Variants in PEAK1 observed in about 807,000 individuals in gnomAD.
PEAK1 encodes the protein inactive tyrosine-protein kinase PEAK1.
A neutral mutation model predicts 124.7 loss-of-function variants in PEAK1; 54 were observed. The observed-to-expected ratio is 0.43, with a 90% CI of 0.35 to 0.54. The LOEUF is 0.54. Ranked by LOEUF, PEAK1 falls within the 20% of genes least tolerant of loss-of-function variation. PEAK1 has a pLI of 0.01. For missense variants in PEAK1, 2,046 were observed against 2,134.5 expected, an observed-to-expected ratio of 0.96 and a Z score of 0.82; for synonymous variants, 719 against 760.0, an observed-to-expected ratio of 0.95 and a Z score of 0.89.
chr15:77,398,488 A>G (rs2071087534), intron 1 of PEAK1, among the ~76,000 whole-genome samples: 1 of 152,220 alleles, frequency 6.6e-6, no homozygotes. Flanking sequence ...GTGATACACC[A>G]TATTAACAGA....
chr15:77,255,302 G>A lies in PEAK1; in HGVS notation c.-274-2776C>T, dbSNP rs1042775593. 4 of 818,822 alleles carry A rather than the reference G, an allele frequency of 4.9e-6. No individual in the cohort carries two copies. The African/African-American group carries it at 7.4e-5, about 15-fold the overall frequency. The allele number at this position is 818,822 out of a possible 1,614,324, so 50.7% of individuals were successfully genotyped here. On this transcript the variant is annotated intron_variant, in intron 5 of 9. Transcript: ENST00000682557. ...AATGAAATAACAATTATTTAAAATT[G>A]TTAACTTATTTTACTAACAATGGAA...
intron 5 of PEAK1, among the ~76,000 whole-genome samples, chr15:77,257,792 A>T (rs1039100956): frequency 6.6e-6 from 1 of 150,766 alleles, no homozygotes; most frequent in East Asian, 1.9e-4. Flanking sequence ...TTAGACATGA[A>T]GTCCTTGCCT....
In PEAK1 at chr15:77,113,395, T is replaced by C. The variant is rs2051099968; in HGVS notation, c.*761A>G. 1 of 152,326 alleles carries C rather than the reference T, an allele frequency of 6.6e-6. No homozygotes were observed. The allele number at this position is 152,326 out of a possible 1,614,324, so 9.4% of individuals were successfully genotyped here. A position where few individuals can be genotyped will look rare whatever the true frequency, so the allele number is the denominator to read the frequency against. On this transcript the variant is annotated 3_prime_UTR_variant, in exon 10 of 10. Transcript: ENST00000682557. Reference sequence around the variant, plus strand: ...CTGCTGAGGCATTGGTGACACCACCTTGGGTCAGCTCTGTAATGGGCCACA... The same window carrying C: ...CTGCTGAGGCATTGGTGACACCACCCTGGGTCAGCTCTGTAATGGGCCACA...
At chr15:77,327,823 T>G (rs1433739991) in intron 2 of PEAK1, among the ~76,000 whole-genome samples, 1 of 151,748 alleles carries the variant, frequency 6.6e-6, no homozygotes, top group Non-Finnish European at 1.5e-5. Context: ...AAAGATAAAG[T>G]GATGAAAATT....
chr15:77,302,092 T>G (rs994344244), intron 2 of PEAK1, among the ~76,000 whole-genome samples: 3 of 152,126 alleles, frequency 2.0e-5, no homozygotes, highest in Non-Finnish European at 2.9e-5. Context: ...CTCCGGAGGC[T>G]CCATACATCT....
Position 77,182,056 on chromosome 15 carries a change from G to T in PEAK1, c.-114-16C>A. On this transcript the variant is annotated splice_polypyrimidine_tract_variant and intron_variant, in intron 6 of 9. Coordinates refer to ENST00000682557, the MANE Select transcript of PEAK1 (RefSeq NM_001385026.1). Reference sequence around the variant, plus strand: ...AATGATCAATCTGTGGAGGGGAAAAGAAGACAAAAAATCTGAATGAAAAAG... The same window carrying T: ...AATGATCAATCTGTGGAGGGGAAAATAAGACAAAAAATCTGAATGAAAAAG... The T allele has an allele frequency of 1.4e-6, 2 of 1,380,650 alleles. No homozygotes were observed. Among genetic ancestry groups the T allele is most frequent in the South Asian group, 4.1e-5 (2 of 48,756 alleles). 85.5% of individuals were successfully genotyped at this position (1,380,650 alleles called of 1,614,324 possible). A position where few individuals can be genotyped will look rare whatever the true frequency, so the allele number is the denominator to read the frequency against.
chr15:77,226,267 G>A (rs1345831589), intron 6 of PEAK1, among the ~76,000 whole-genome samples: 1 of 148,310 alleles, frequency 6.7e-6, no homozygotes, highest in African/African-American at 2.5e-5. Context: ...TTTGATCTGA[G>A]ATGTTTGAAA....
At chr15:77,403,636 A>G in intron 1 of PEAK1, 1 of 889,438 alleles carries the variant, frequency 1.1e-6, no homozygotes, top group Non-Finnish European at 1.3e-6. Context: ...TTCTGGGGAC[A>G]TGAAGATGAA....
At chr15:77,208,518 C>T (rs1456647599) in intron 6 of PEAK1, among the ~76,000 whole-genome samples, 1 of 152,146 alleles carries the variant, frequency 6.6e-6, no homozygotes, top group Non-Finnish European at 1.5e-5. Flanking sequence ...ATCAGTGAGG[C>T]CAGCAACTTC....
At chr15:77,177,079 C>T (rs777998837) in intron 7 of PEAK1, among the ~76,000 whole-genome samples, 18 of 152,228 alleles carry the variant, frequency 1.2e-4, no homozygotes, top group Non-Finnish European at 2.4e-4. Flanking sequence ...GCCTGAGCCT[C>T]CCAAGTAGCT....
intron 7 of PEAK1, among the ~76,000 whole-genome samples, chr15:77,177,299 T>C (rs897733223): frequency 4.6e-5 from 7 of 152,160 alleles, no homozygotes; most frequent in East Asian, 1.9e-4. Flanking sequence ...CATTCTGTCA[T>C]TGAATACCTT....
chr15:77,181,309 G>C lies in PEAK1; in HGVS notation c.618C>G (p.Gly206=), dbSNP rs1296427674. 1.2e-6 allele frequency: 2 copies of C among 1,613,914 alleles called. No individual in the cohort carries two copies. Among genetic ancestry groups the C allele is most frequent in the Non-Finnish European group, 1.7e-6 (2 of 1,180,014 alleles). Residue 206 remains glycine (G), a synonymous_variant, in exon 7 of 10, where the codon GGC becomes GGG. Coordinates refer to ENST00000682557, the MANE Select transcript of PEAK1 (RefSeq NM_001385026.1). ...TGCTCCCACTCAGAATAACATGCTT[G>C]CCCTGAGTTTCCTTTATCCCACCTA... ...CMIGGIKETQ[G]KHVILSGSTE...
chr15:77,204,031 A>G (rs2058505155), intron 6 of PEAK1, among the ~76,000 whole-genome samples: 1 of 152,252 alleles, frequency 6.6e-6, no homozygotes, highest in Non-Finnish European at 1.5e-5. Flanking sequence ...AGGGACTGTT[A>G]TTCAAAATAC....
At position 77,270,066 on chromosome 15, in the gene PEAK1, A is replaced by G. The variant is rs566502113; in HGVS notation, c.-275+13817T>C. Among the ~76,000 whole-genome samples the G allele has an allele frequency of 8.5e-5, 13 of 152,234 alleles. No individual in the cohort carries two copies. In the South Asian group the frequency reaches 2.7e-3, roughly 32 times the overall value. ...TGTTATAATTTCTGTTCTTTTGAGG[A>G]GTGCTTTACTTCCAACTATGTGGTC... On this transcript the variant is annotated intron_variant, in intron 5 of 9. Coordinates refer to ENST00000682557, the MANE Select transcript of PEAK1 (RefSeq NM_001385026.1).
chr15:77,235,749 C>A (rs1412042048), intron 6 of PEAK1, among the ~76,000 whole-genome samples: 1 of 152,176 alleles, frequency 6.6e-6, no homozygotes, highest in African/African-American at 2.4e-5. Context: ...TCATCACAGG[C>A]CTGGAGGCCT....
chr15:77,263,806 A>G (rs1203786840), intron 5 of PEAK1, among the ~76,000 whole-genome samples: 1 of 152,150 alleles, frequency 6.6e-6, no homozygotes, highest in African/African-American at 2.4e-5. Flanking sequence ...CAACAACAAA[A>G]AAAAGAATTT....
chr15:77,313,646 GTATGTA>G (rs201467389), intron 2 of PEAK1, among the ~76,000 whole-genome samples: 324 of 107,708 alleles, frequency 3.0e-3, no homozygotes, highest in Middle Eastern at 0.023. Context: ...ATGTATGTAT[GTATGTA>G]TGTGTGTGTG....
At chr15:77,221,040 T>C (rs2059366413) in intron 6 of PEAK1, among the ~76,000 whole-genome samples, 1 of 152,226 alleles carries the variant, frequency 6.6e-6, no homozygotes, top group South Asian at 2.1e-4. Flanking sequence ...ACTATGAGGA[T>C]AGAATTCATT....
chr15:77,418,208 T>C (rs2073048223), intron 1 of PEAK1: 1 of 985,416 alleles, frequency 1.0e-6, no homozygotes, highest in Admixed American at 6.1e-5. Flanking sequence ...ATCTTTTTCT[T>C]TCACCAAAAC....
Sources: allele counts gnomAD v4.1 joint callset (sites outside exome capture counted in the v4.1 genomes callset), GRCh38; gene constraint gnomAD v4.1.1; transcripts MANE v1.5; gene names NCBI Gene and HGNC (gene_info 2026-07-23, HGNC 2026-07-21).